PLEKHM1: variants seen among roughly 807,000 people sequenced by gnomAD.
PLEKHM1 encodes the protein pleckstrin homology and RUN domain containing M1, also known as pleckstrin homology domain-containing family M member 1.
In PLEKHM1, 28 loss-of-function variants were observed where a neutral mutation model predicts 94.3. The ratio of observed to expected loss-of-function variants is 0.30; its 90% CI spans 0.22 to 0.41. The LOEUF is 0.41. Ranked by LOEUF, PLEKHM1 falls within the 10% of genes least tolerant of loss-of-function variation. The pLI is 1.00. For missense variants in PLEKHM1, 907 were observed against 1,358.6 expected (o/e 0.67, Z 5.22); for synonymous variants, 424 against 581.2 (o/e 0.73, Z 3.89).
chr17:45,460,266 T>C (rs996942691), intron 5 of PLEKHM1: 6 of 152,038 alleles, frequency 3.9e-5, no homozygotes, highest in Non-Finnish European at 7.4e-5. Context: ...ATACCAGTTT[T>C]GTTTTGTTTT....
At chr17:45,475,044 G>C in intron 4 of PLEKHM1, 56 bp downstream of exon 4, 7 of 1,587,906 alleles carry the variant, frequency 4.4e-6, no homozygotes, top group Non-Finnish European at 6.0e-6. Flanking sequence ...GGGAGGAGGA[G>C]AGGAAAGAAA....
chr17:45,486,230 T>TAAA (rs2052118261), intron 1 of PLEKHM1, among the ~76,000 whole-genome samples: 2 of 126,618 alleles, frequency 1.6e-5, no homozygotes, highest in African/African-American at 3.0e-5. Flanking sequence ...AAAAAAAAGA[T>TAAA]AAAATAAAAA....
chr17:45,462,244 T>A (rs1362440424), intron 5 of PLEKHM1, among the ~76,000 whole-genome samples: 1 of 152,100 alleles, frequency 6.6e-6, no homozygotes, highest in Non-Finnish European at 1.5e-5. Context: ...AATTGGCAGG[T>A]GCTTCCCCCC....
In PLEKHM1 at chr17:45,445,030, G is replaced by A. The variant is rs1423271201; in HGVS notation, c.2837+440C>T. On this transcript the variant is annotated intron_variant, in intron 9 of 11. Coordinates refer to ENST00000430334, the MANE Select transcript of PLEKHM1 (RefSeq NM_014798.3). This position sits in a 1 kb window ranked among gnomAD's most constrained non-coding sequence, Gnocchi z 4.2. ...CCCTGCCAGGCCAGAGACTTCCGGC[G>A]GGTCGGCCCTGGCTCTGTCCTGCTC... Among the ~76,000 whole-genome samples, 2 of 152,226 alleles carry A rather than the reference G, an allele frequency of 1.3e-5. No homozygotes were observed. The highest frequency in any genetic ancestry group is 2.9e-5 in the Non-Finnish European group (2 of 68,046).
chr17:45,441,777 T>C (rs2050454806), intron 9 of PLEKHM1, among the ~76,000 whole-genome samples: 1 of 152,174 alleles, frequency 6.6e-6, no homozygotes, highest in South Asian at 2.1e-4. Flanking sequence ...TCAGGCCTAC[T>C]TGGGGCCTCA....
intron 5 of PLEKHM1, among the ~76,000 whole-genome samples, chr17:45,461,508 GTA>G (rs1393654963): frequency 6.6e-6 from 1 of 152,230 alleles, no homozygotes; most frequent in African/African-American, 2.4e-5. Context: ...GCCAAGAGCT[GTA>G]TAGTTTTAGC....
rs763911008 is a variant in PLEKHM1, at chr17:45,475,376, C to T, written c.647G>A (p.Arg216Gln). 3.4e-5 allele frequency: 55 copies of T among 1,613,780 alleles called. No individual in the cohort carries two copies. Among genetic ancestry groups the T allele is most frequent in the East Asian group, 8.9e-5 (4 of 44,894 alleles). The change falls in exon 4 of 12, where the codon CGG becomes CAG. Residue 216 changes from arginine to glutamine, a missense_variant. Physicochemically the swap from Arg to Gln is conservative, Grantham distance 43. Around this residue, in one of 3 missense-constraint regions of PLEKHM1, gnomAD observed 176 missense variants for 306.0 expected, o/e 0.58. Coordinates refer to ENST00000430334, the MANE Select transcript of PLEKHM1 (RefSeq NM_014798.3). ...GGAAATGGAATCCAGAGATTCCTTC[C>T]GCTGTAGTTCTGCACCAGAGGTAGA... Reference protein sequence around the residue: ...PLSTSGAELQRKESLDSISHS... With the variant: ...PLSTSGAELQQKESLDSISHS...
Position 45,436,383 on chromosome 17 carries a change from C to T in PLEKHM1, c.*1475G>A, listed in dbSNP as rs912012675. ...GTGCGCAGCCTCCACCTGCCTGCCACCGTTGCCTCTGTTCTGCTGCACAGG... is the reference window on the plus strand; with the variant it reads ...GTGCGCAGCCTCCACCTGCCTGCCATCGTTGCCTCTGTTCTGCTGCACAGG... On this transcript the variant is annotated 3_prime_UTR_variant, in exon 12 of 12. Transcript: ENST00000430334. The T allele has an allele frequency of 3.7e-5, 17 of 454,166 alleles. 1 individual carries two copies. Among genetic ancestry groups the T allele is most frequent in the Admixed American group, 3.3e-4 (14 of 42,584 alleles). The allele number at this position is 454,166 out of a possible 1,614,324, so 28.1% of individuals were successfully genotyped here. A position where few individuals can be genotyped will look rare whatever the true frequency, so the allele number is the denominator to read the frequency against.
intron 1 of PLEKHM1, among the ~76,000 whole-genome samples, chr17:45,483,678 C>G (rs963212505): frequency 6.6e-6 from 1 of 152,174 alleles, no homozygotes; most frequent in Admixed American, 6.5e-5. Context: ...GCTCAGTTCT[C>G]TTTACATATA....
rs574395714 is a variant in PLEKHM1 at position 45,475,019 on chromosome 17, T to C, written c.923+81A>G. On this transcript the variant is annotated intron_variant, in intron 4 of 11. Coordinates refer to ENST00000430334, the MANE Select transcript of PLEKHM1 (RefSeq NM_014798.3). ...TAGAGTTCAGTAACAGACAATCACA[T>C]GCTATGGGAAGAAAGGGAGGAGGAG... 1,207 of 1,450,012 alleles carry C rather than the reference T, an allele frequency of 8.3e-4. 5 individuals carry two copies. In the African/African-American group the frequency reaches 0.014, roughly 16 times the overall value. 89.8% of individuals were successfully genotyped at this position (1,450,012 alleles called of 1,614,324 possible).
chr17:45,458,396 G>A lies in PLEKHM1; in HGVS notation c.1352C>T (p.Ser451Phe). 1 of 1,613,902 alleles carries A rather than the reference G, an allele frequency of 6.2e-7. No individual in the cohort carries two copies. Among genetic ancestry groups the A allele is most frequent in the Non-Finnish European group, 8.5e-7 (1 of 1,179,750 alleles). ...AGCACTCTCCAGGGGTTGCTCCCGG[G>A]AAGGCCGGTAGAAGTCATCCTCTGA... ...WISEDDFYRPSREQPLESASD... is the reference protein window; with the variant it reads ...WISEDDFYRPFREQPLESASD... Residue 451 changes from serine to phenylalanine, a missense_variant, in exon 6 of 12, where the codon TCC (serine) becomes TTC (phenylalanine). Around this residue, in one of 3 missense-constraint regions of PLEKHM1, gnomAD observed 477 missense variants for 601.5 expected, o/e 0.79. Coordinates refer to ENST00000430334, the MANE Select transcript of PLEKHM1 (RefSeq NM_014798.3).
downstream of PLEKHM1, among the ~76,000 whole-genome samples, chr17:45,435,006 A>G (rs902495988): frequency 1.3e-5 from 2 of 150,518 alleles, no homozygotes; most frequent in African/African-American, 4.9e-5. Flanking sequence ...AGAAGGGGAA[A>G]CAAGTGGCCT....
In PLEKHM1 at chr17:45,475,246, T is replaced by C. The variant is rs766416067; in HGVS notation, c.777A>G (p.Ser259=). The change falls in exon 4 of 12, where the codon TCA becomes TCG. Residue 259 remains serine (S), a synonymous_variant. Coordinates refer to ENST00000430334, the MANE Select transcript of PLEKHM1 (RefSeq NM_014798.3). ...AGTTTAGGCTGCAGGACAGCTGGGA[T>C]GAACTGGCCGTGTCCAGGCTGAGGG... is the stretch of plus-strand genomic sequence containing the variant. The part of the protein sequence containing the change: ...ASSLSLDTAS[S]SQLSCSLNSD... 4.3e-6 allele frequency: 7 copies of C among 1,613,862 alleles called. No individual in the cohort carries two copies. The highest frequency in any genetic ancestry group is 5.9e-6 in the Non-Finnish European group (7 of 1,179,874).
Position 45,475,471 on chromosome 17 carries a change from G to C in PLEKHM1, c.552C>G (p.Ile184Met). The C allele has an allele frequency of 6.2e-7, 1 of 1,613,142 alleles. No individual in the cohort carries two copies. Among genetic ancestry groups the C allele is most frequent in the Non-Finnish European group, 8.5e-7 (1 of 1,179,176 alleles). Residue 184 changes from isoleucine (I) to methionine (M), a missense_variant, in exon 4 of 12, where the codon ATC (isoleucine) becomes ATG (methionine). Physicochemically the swap from Ile to Met is conservative, Grantham distance 10. Coordinates refer to ENST00000430334, the MANE Select transcript of PLEKHM1 (RefSeq NM_014798.3). ...ATGGGGTGAGCGTCCACTCATTTAA[G>C]ATGGCAGACTTGTAGGAGAGTTCGA... ...LSFELSYKSA[I>M]LNEWTLTPLA...
chr17:45,465,388 C>T (rs1014927878), intron 5 of PLEKHM1, among the ~76,000 whole-genome samples: 6 of 151,822 alleles, frequency 4.0e-5, no homozygotes, highest in South Asian at 2.1e-4. Context: ...TGAAGTGAGT[C>T]GGGAAAGAAG....
intron 2 of PLEKHM1, among the ~76,000 whole-genome samples, chr17:45,481,876 A>G (rs1271785428): frequency 2.0e-5 from 3 of 152,158 alleles, no homozygotes; most frequent in Non-Finnish European, 2.9e-5. Context: ...GGATGCTGCT[A>G]AGGGACCAGC....
chr17:45,485,121 G>A (rs1422403766), intron 1 of PLEKHM1, among the ~76,000 whole-genome samples: 1 of 152,014 alleles, frequency 6.6e-6, no homozygotes, highest in Admixed American at 6.5e-5. Flanking sequence ...ACCATAGTCT[G>A]CTCCCAGCTA....
In PLEKHM1 at chr17:45,445,635, G is replaced by A. The variant is rs1420041113; in HGVS notation, c.2672C>T (p.Thr891Ile). 3 of 1,613,526 alleles carry A rather than the reference G, an allele frequency of 1.9e-6. No individual in the cohort carries two copies. Among genetic ancestry groups the A allele is most frequent in the Non-Finnish European group, 2.5e-6 (3 of 1,179,868 alleles). ...PICRQALKFL[T>I]QIRAQPLINL... ...GATGAGGGGCTGGGCCCGGATCTGTGTCAGAAACTTCAGGGCCTGCCTGCA... is the reference window on the plus strand; with the variant it reads ...GATGAGGGGCTGGGCCCGGATCTGTATCAGAAACTTCAGGGCCTGCCTGCA... Residue 891 changes from threonine to isoleucine, a missense_variant, in exon 9 of 12, where the codon ACA becomes ATA. Around this residue, in one of 3 missense-constraint regions of PLEKHM1, gnomAD observed 254 missense variants for 451.1 expected, o/e 0.56. Transcript: ENST00000430334. This position sits in a 1 kb window ranked among gnomAD's most constrained non-coding sequence, Gnocchi z 4.2.
chr17:45,466,799 A>C (rs542342499), intron 5 of PLEKHM1, among the ~76,000 whole-genome samples: 9 of 152,146 alleles, frequency 5.9e-5, no homozygotes, highest in Non-Finnish European at 1.2e-4. Context: ...AAATTAGCAC[A>C]AACACTTTAG....
Sources: gnomAD v4.1 joint callset for allele counts (sites outside exome capture counted in the v4.1 genomes callset) on GRCh38, gnomAD v4.1.1 for gene constraint, gnomAD v4.1.1 regional missense constraint, Gnocchi (gnomAD v3.1) non-coding constraint, MANE v1.5 for transcripts, NCBI Gene and HGNC (gene_info 2026-07-23, HGNC 2026-07-21) for gene names.